SPG21: variants seen among roughly 807,000 people sequenced by gnomAD.
SPG21 encodes maspardin.
SPG21 carries 26 observed loss-of-function variants against 38.9 expected under a neutral mutation model. The ratio of observed to expected loss-of-function variants is 0.67; its 90% CI spans 0.49 to 0.93. The LOEUF is 0.93. Among genes scored for constraint, SPG21 ranks in the 40% least tolerant of loss-of-function variants. The pLI is 0.00. For missense variants in SPG21, 333 were observed against 376.5 expected (o/e 0.88, Z 0.96); for synonymous variants, 136 against 128.9 (o/e 1.05, Z -0.37).
At chr15:64,985,345 C>A (rs765458046) in intron 1 of SPG21, among the ~76,000 whole-genome samples, 1 of 152,188 alleles carries the variant, frequency 6.6e-6, no homozygotes, top group Admixed American at 6.5e-5. Flanking sequence ...GCTTGGCACA[C>A]AGCAGGCATT....
intron 2 of SPG21, among the ~76,000 whole-genome samples, chr15:64,981,948 G>A (rs1242231768): frequency 6.6e-6 from 1 of 152,128 alleles, no homozygotes; most frequent in East Asian, 1.9e-4. Context: ...GGACTCCACA[G>A]TGTCACTCTG....
intron 3 of SPG21, among the ~76,000 whole-genome samples, chr15:64,979,513 C>T (rs1303244008): frequency 6.6e-6 from 1 of 152,090 alleles, no homozygotes; most frequent in Non-Finnish European, 1.5e-5. Context: ...AGAAATTAAG[C>T]CAGAGAAGAA....
chr15:64,980,731 C>G, intron 3 of SPG21, 133 bp downstream of exon 3: 2 of 1,049,060 alleles, frequency 1.9e-6, no homozygotes, highest in Non-Finnish European at 1.4e-6. Context: ...GAGTGAGAAT[C>G]CATCTCAACA....
intron 3 of SPG21, among the ~76,000 whole-genome samples, chr15:64,979,012 T>C (rs1174737144): frequency 6.6e-6 from 1 of 152,218 alleles, no homozygotes; most frequent in Non-Finnish European, 1.5e-5. Flanking sequence ...ATTAAAAAGA[T>C]CTGTGCATTT....
chr15:64,978,246 G>A (rs954310372), intron 3 of SPG21, among the ~76,000 whole-genome samples: 1 of 151,640 alleles, frequency 6.6e-6, no homozygotes, highest in Non-Finnish European at 1.5e-5. Context: ...TCAGGAGTTC[G>A]AGACCAGCCT....
At chr15:64,983,643 A>G in intron 1 of SPG21, 50 bp from the exon 2 acceptor site, 1 of 1,147,198 alleles carries the variant, frequency 8.7e-7, no homozygotes, top group Non-Finnish European at 1.3e-6. Context: ...TGTTTACATC[A>G]GAACTAAATG....
At chr15:64,971,978 T>C (rs2085675490) in intron 5 of SPG21, among the ~76,000 whole-genome samples, 1 of 152,214 alleles carries the variant, frequency 6.6e-6, no homozygotes, top group Admixed American at 6.5e-5. Context: ...GGTCAGATCT[T>C]TACGGATTTC....
intron 3 of SPG21, among the ~76,000 whole-genome samples, chr15:64,978,805 CA>C (rs1808390545): frequency 6.6e-6 from 1 of 152,074 alleles, no homozygotes; most frequent in African/African-American, 2.4e-5. Flanking sequence ...TACATACAAA[CA>C]AATGAGTTCA....
chr15:64,966,128 A>G (rs1449688204), intron 7 of SPG21, among the ~76,000 whole-genome samples: 1 of 152,212 alleles, frequency 6.6e-6, no homozygotes, highest in East Asian at 1.9e-4. Flanking sequence ...CGAAGCCCCA[A>G]AAGAACTTTT....
intron 2 of SPG21, chr15:64,983,248 C>T (rs962444208): frequency 1.6e-5 from 3 of 187,530 alleles, no homozygotes; most frequent in South Asian, 1.1e-4. Context: ...GACGGCAGAG[C>T]GAGACTCCAT....
At chr15:64,979,897 C>T (rs2085851631) in intron 3 of SPG21, among the ~76,000 whole-genome samples, 1 of 148,512 alleles carries the variant, frequency 6.7e-6, no homozygotes, top group African/African-American at 2.5e-5. Context: ...GCCTTTCCCA[C>T]ACACCTTTCT....
chr15:64,981,286 CTCCTT>C, intron 2 of SPG21: 2 of 399,338 alleles, frequency 5.0e-6, no homozygotes, highest in South Asian at 2.6e-5. Flanking sequence ...CTTCCCCCTC[CTCCTT>C]TTTTTTTTTT....
chr15:64,967,820 T>G (rs1436642162), intron 7 of SPG21, among the ~76,000 whole-genome samples: 1 of 152,136 alleles, frequency 6.6e-6, no homozygotes, highest in Non-Finnish European at 1.5e-5. Flanking sequence ...TTGCCCAGAC[T>G]GGTCTCGAAT....
intron 1 of SPG21, among the ~76,000 whole-genome samples, chr15:64,986,071 ATAT>A (rs1392843642): frequency 6.6e-6 from 1 of 152,190 alleles, no homozygotes; most frequent in African/African-American, 2.4e-5. Context: ...TTTATCTTAA[ATAT>A]TAATATGTTA....
At position 64,970,151 on chromosome 15, in the gene SPG21, G is replaced by A; in HGVS notation, c.524C>T (p.Pro175Leu). The change falls in exon 6 of 9, where the codon CCT becomes CTT. Residue 175 changes from proline to leucine, a missense_variant. Coordinates refer to ENST00000204566, the MANE Select transcript of SPG21 (RefSeq NM_016630.7). ...GAAATCAATGGCATCAGCCATCATA[G>A]GGTCCACCGGGCCAGATGAAAAATT... The part of the protein sequence containing the change: ...LGNFSSGPVD[P>L]MMADAIDFMV... 6.2e-7 allele frequency: 1 copy of A among 1,614,104 alleles called. No individual in the cohort carries two copies. The highest frequency in any genetic ancestry group is 8.5e-7 in the Non-Finnish European group (1 of 1,180,022).
chr15:64,989,277 AG>A (rs2086066165), intron 1 of SPG21: 1 of 151,890 alleles, frequency 6.6e-6, no homozygotes, highest in South Asian at 2.1e-4. Context: ...AAGTTTGCTG[AG>A]AAAAAAAAAA....
chr15:64,983,610 T>C lies in SPG21; in HGVS notation c.-24-17A>G, dbSNP rs1400990703. The stretch of plus-strand genomic sequence containing the variant: ...AGGTTAATCCTGAAATAAAAGCATG[T>C]GATATTTCACGTCAAGAATTCATGT... On this transcript the variant is annotated splice_polypyrimidine_tract_variant and intron_variant, in intron 1 of 8. Transcript: ENST00000204566. 7.0e-7 allele frequency: 1 copy of C among 1,435,404 alleles called. No individual in the cohort carries two copies. The highest frequency in any genetic ancestry group is 9.6e-7 in the Non-Finnish European group (1 of 1,039,186). The allele number at this position is 1,435,404 out of a possible 1,614,324, so 88.9% of individuals were successfully genotyped here. A position where few individuals can be genotyped will look rare whatever the true frequency, so the allele number is the denominator to read the frequency against.
chr15:64,977,462 C>A (rs2085802943), intron 3 of SPG21, among the ~76,000 whole-genome samples: 2 of 152,012 alleles, frequency 1.3e-5, no homozygotes, highest in African/African-American at 4.8e-5. Context: ...TGGGTGCAAG[C>A]GATTCTCCCA....
chr15:64,966,768 G>A (rs1454891436), intron 7 of SPG21, among the ~76,000 whole-genome samples: 2 of 151,960 alleles, frequency 1.3e-5, no homozygotes, highest in African/African-American at 4.8e-5. Flanking sequence ...GCGTGGTGGT[G>A]GGTGCCTGTA....
Sources: gnomAD v4.1 joint callset for allele counts (sites outside exome capture counted in the v4.1 genomes callset) on GRCh38, gnomAD v4.1.1 for gene constraint, MANE v1.5 for transcripts, NCBI Gene and HGNC (gene_info 2026-07-23, HGNC 2026-07-21) for gene names.